Variants in DAAM1 observed in about 807,000 individuals in gnomAD.
DAAM1 encodes the protein disheveled-associated activator of morphogenesis 1.
A neutral mutation model predicts 130.0 loss-of-function variants in DAAM1; 52 were observed. The ratio of observed to expected loss-of-function variants is 0.40; its 90% confidence interval spans 0.32 to 0.50. The LOEUF is 0.50. Among genes scored for constraint, DAAM1 ranks in the 20% least tolerant of loss-of-function variants. The pLI is 0.61. For missense variants in DAAM1, 1,134 were observed against 1,303.8 expected (o/e 0.87, Z 2.01); for synonymous variants, 452 against 444.5 (o/e 1.02, Z -0.21).
intron 2 of DAAM1, 78 bp from the exon 3 acceptor site, chr14:59,291,139 T>C: frequency 3.3e-6 from 4 of 1,194,124 alleles, no homozygotes; most frequent in Admixed American, 3.1e-5. Context: ...TTTTTTTTCT[T>C]CCTTGATGAT....
intron 1 of DAAM1, among the ~76,000 whole-genome samples, chr14:59,262,954 T>C (rs1882243640): frequency 6.6e-6 from 1 of 152,198 alleles, no homozygotes; most frequent in African/African-American, 2.4e-5. Context: ...GAGCTTAGAA[T>C]GTGATCATGC....
At chr14:59,321,931 GTA>G (rs1885024323) in intron 5 of DAAM1, among the ~76,000 whole-genome samples, 1 of 152,168 alleles carries the variant, frequency 6.6e-6, no homozygotes, top group African/African-American at 2.4e-5. Context: ...GCTTTAATAT[GTA>G]CATGTGCATT....
chr14:59,222,059 A>G (rs1299819718), intron 1 of DAAM1, among the ~76,000 whole-genome samples: 1 of 152,176 alleles, frequency 6.6e-6, no homozygotes, highest in Non-Finnish European at 1.5e-5. Context: ...CAAGCCCTGC[A>G]AGGTGTTGTC....
At chr14:59,235,217 G>T (rs1186964115) in intron 1 of DAAM1, among the ~76,000 whole-genome samples, 1 of 152,170 alleles carries the variant, frequency 6.6e-6, no homozygotes, top group Non-Finnish European at 1.5e-5. Flanking sequence ...CAGAAGGAAT[G>T]GCACCACCTC....
chr14:59,286,147 G>A (rs1414998750), intron 2 of DAAM1, among the ~76,000 whole-genome samples: 1 of 152,076 alleles, frequency 6.6e-6, no homozygotes, highest in Non-Finnish European at 1.5e-5. Flanking sequence ...TCACATGGAA[G>A]TTAAACAACC....
chr14:59,283,367 AT>A (rs1247753094), intron 2 of DAAM1, among the ~76,000 whole-genome samples: 1 of 152,206 alleles, frequency 6.6e-6, no homozygotes, highest in Non-Finnish European at 1.5e-5. Flanking sequence ...CACATATATA[AT>A]AGCTGTATGC....
chr14:59,310,437 G>A (rs1884545070), intron 3 of DAAM1, among the ~76,000 whole-genome samples: 1 of 152,028 alleles, frequency 6.6e-6, no homozygotes, highest in South Asian at 2.1e-4. Context: ...CTGGCCAGTA[G>A]TGACAAATTA....
chr14:59,350,082 A>G (rs562236602), intron 17 of DAAM1, among the ~76,000 whole-genome samples: 1 of 152,086 alleles, frequency 6.6e-6, no homozygotes, highest in Non-Finnish European at 1.5e-5. Context: ...GCACTGAGAA[A>G]GAACAAGATA....
chr14:59,235,032 G>A (rs920332867), intron 1 of DAAM1, among the ~76,000 whole-genome samples: 2 of 152,048 alleles, frequency 1.3e-5, no homozygotes, highest in African/African-American at 4.8e-5. Flanking sequence ...ATGTGCTGCT[G>A]GATTTGGTTT....
At chr14:59,326,476 G>A (rs1292765029) in intron 10 of DAAM1, 34 bp from the exon 11 acceptor site, 3 of 1,556,738 alleles carry the variant, frequency 1.9e-6, no homozygotes, top group Non-Finnish European at 2.6e-6. Context: ...GAAACAACTT[G>A]AAGATTTTTT....
intron 2 of DAAM1, among the ~76,000 whole-genome samples, chr14:59,285,932 A>G (rs1260408832): frequency 1.3e-5 from 2 of 152,180 alleles, no homozygotes; most frequent in African/African-American, 2.4e-5. Context: ...CCTAATAGAC[A>G]TCTACAGAAC....
intron 8 of DAAM1, 33 bp from the exon 9 acceptor site, chr14:59,325,631 C>A (rs767639415): frequency 6.3e-7 from 1 of 1,582,466 alleles, no homozygotes; most frequent in South Asian, 1.1e-5. Context: ...ATAGGATGTT[C>A]TACTTAATAA....
chr14:59,189,121 C>A (rs1887645680), intron 1 of DAAM1, among the ~76,000 whole-genome samples: 1 of 152,164 alleles, frequency 6.6e-6, no homozygotes. Context: ...ACACTCGCCG[C>A]CTTGCTGAAG....
chr14:59,364,635 C>A (rs985161195), intron 23 of DAAM1, among the ~76,000 whole-genome samples: 1 of 151,022 alleles, frequency 6.6e-6, no homozygotes, highest in Non-Finnish European at 1.5e-5. Flanking sequence ...CACTCTGAGT[C>A]TTTTGTTTCG....
chr14:59,315,380 A>C (rs1343992773), intron 4 of DAAM1, 29 bp downstream of exon 4: 1 of 1,602,880 alleles, frequency 6.2e-7, no homozygotes, highest in Non-Finnish European at 8.5e-7. Context: ...TCTTTGACAC[A>C]CTGTTTAAAA....
intron 1 of DAAM1, among the ~76,000 whole-genome samples, chr14:59,202,240 C>T (rs1249712458): frequency 6.6e-6 from 1 of 152,164 alleles, no homozygotes; most frequent in Non-Finnish European, 1.5e-5. Context: ...GTGGGCAGGT[C>T]CGTTTCAAGT....
chr14:59,233,091 A>G lies in DAAM1; in HGVS notation c.-37-30350A>G, dbSNP rs142936336. Among the ~76,000 whole-genome samples the G allele has an allele frequency of 2.3e-3, 351 of 152,316 alleles. 1 individual carries two copies. Among genetic ancestry groups the G allele is most frequent in the African/African-American group, 8.1e-3 (335 of 41,550 alleles). On this transcript the variant is annotated intron_variant, in intron 1 of 24. Coordinates refer to ENST00000360909, the MANE Select transcript of DAAM1 (RefSeq NM_001270520.2). ...CTTTGGTATTGTAAATGGTGCTGCA[A>G]TAAACATACATGTGCATGTGTCTTT...
At chr14:59,280,658 A>G (rs980031249) in intron 2 of DAAM1, among the ~76,000 whole-genome samples, 6 of 150,996 alleles carry the variant, frequency 4.0e-5, no homozygotes, top group African/African-American at 1.5e-4. Flanking sequence ...TGAGAGTCAG[A>G]CGTACCAATA....
At chr14:59,352,695 C>A in intron 18 of DAAM1, 63 bp downstream of exon 18, 3 of 1,412,202 alleles carry the variant, frequency 2.1e-6, no homozygotes, top group African/African-American at 1.4e-5. Flanking sequence ...CATGAATTTT[C>A]AATTCATGTT....
Sources: gnomAD v4.1 joint callset for allele counts (sites outside exome capture counted in the v4.1 genomes callset) on GRCh38, gnomAD v4.1.1 for gene constraint, MANE v1.5 for transcripts, NCBI Gene and HGNC (gene_info 2026-07-23, HGNC 2026-07-21) for gene names.